Variants in POLE3 observed in about 807,000 individuals in gnomAD.
POLE3 encodes DNA polymerase epsilon subunit 3.
In POLE3, 10 loss-of-function variants were observed where a neutral mutation model predicts 16.1. The ratio of observed to expected loss-of-function variants is 0.62; its 90% CI spans 0.38 to 1.05. POLE3 has a LOEUF of 1.05. Ranked by LOEUF, POLE3 falls within the 50% of genes least tolerant of loss-of-function variation. The pLI is 0.01. For missense variants in POLE3, 169 were observed against 185.0 expected (o/e 0.91, Z 0.50); for synonymous variants, 83 against 71.0 (o/e 1.17, Z -0.85).
rs1211332878 is a variant in POLE3 at position 113,410,337 on chromosome 9, G to T, written c.-44C>A. 1 of 1,573,120 alleles carries T rather than the reference G, an allele frequency of 6.4e-7. No homozygotes were observed. The highest frequency in any genetic ancestry group is 8.7e-7 in the Non-Finnish European group (1 of 1,150,570). ...AACTCCCCTTCGCCTCCGCTTCAGG[G>T]AGCTACTGCGTCCGGACTTCCCGCG... On this transcript the variant is annotated 5_prime_UTR_variant, in exon 2 of 5. Transcript: ENST00000374171.
At position 113,410,400 on chromosome 9, in the gene POLE3, C is replaced by T. The variant is rs1442765803; in HGVS notation, c.-107G>A. 2.6e-5 allele frequency: 27 copies of T among 1,041,182 alleles called. No homozygotes were observed. Among genetic ancestry groups the T allele is most frequent in the Admixed American group, 4.0e-5 (2 of 50,380 alleles). 64.5% of individuals were successfully genotyped at this position (1,041,182 alleles called of 1,614,324 possible). A position where few individuals can be genotyped will look rare whatever the true frequency, so the allele number is the denominator to read the frequency against. On this transcript the variant is annotated 5_prime_UTR_variant, in exon 2 of 5. Transcript: ENST00000374171. ...GACCCTGCGAGGTTTCCGTTCCGCC[C>T]CACGTGGCCTACAGTGTCCCACAGT...
chr9:113,409,671 G>GAGCA lies in POLE3; in HGVS notation c.206_209dup (p.Ser71AlafsTer24). 1.2e-6 allele frequency: 2 copies of GAGCA among 1,613,926 alleles called. No homozygotes were observed. The highest frequency in any genetic ancestry group is 1.7e-6 in the Non-Finnish European group (2 of 1,179,814). On this transcript the variant is annotated frameshift_variant, in exon 4 of 5. Transcript: ENST00000374171. LOFTEE classifies it high-confidence loss of function. ...GGAACTCCATCTCTTCCATGGCTGA[G>GAGCA]AGCACATCACTGGCATTCAGCGTCT... is the stretch of plus-strand genomic sequence containing the variant.
intron 4 of POLE3, 64 bp from the exon 5 acceptor site, chr9:113,409,047 C>T (rs1828004227): frequency 6.8e-7 from 1 of 1,460,060 alleles, no homozygotes; most frequent in African/African-American, 1.4e-5. Flanking sequence ...ACTGCAGGAG[C>T]TAATTACATT....
At chr9:113,409,135 G>A in intron 4 of POLE3, 152 bp from the exon 5 acceptor site, 1 of 631,566 alleles carries the variant, frequency 1.6e-6, no homozygotes, top group Admixed American at 2.7e-5. Flanking sequence ...GCTGAGACGG[G>A]CGGATCACCT....
Position 113,408,704 on chromosome 9 carries a change from A to G in POLE3, c.*107T>C, listed in dbSNP as rs937542056. The G allele has an allele frequency of 1.1e-6, 1 of 870,682 alleles. No homozygotes were observed. Among genetic ancestry groups the G allele is most frequent in the African/African-American group, 1.7e-5 (1 of 59,418 alleles). 53.9% of individuals were successfully genotyped at this position (870,682 alleles called of 1,614,324 possible). Reference sequence around the variant, plus strand: ...AGTTTTTATTCTGATCTTTTCAGGCACTTTTGCCTGAGACTACTCTGCCCA... The same window carrying G: ...AGTTTTTATTCTGATCTTTTCAGGCGCTTTTGCCTGAGACTACTCTGCCCA... On this transcript the variant is annotated 3_prime_UTR_variant, in exon 5 of 5. Coordinates refer to ENST00000374171, the MANE Select transcript of POLE3 (RefSeq NM_017443.5).
intron 1 of POLE3, 35 bp downstream of exon 1, chr9:113,410,582 G>T: frequency 2.0e-6 from 1 of 508,612 alleles, no homozygotes; most frequent in Non-Finnish European, 3.6e-6. Context: ...CCATTTCTCT[G>T]CTTCTCGCCA....
rs757530718 is a variant in POLE3, at chr9:113,410,110, C to A, written c.97G>T (p.Ala33Ser). ...LPDGVNISKE[A>S]RSAISRAASV... ...GCGGCGCGGGAGATGGCGCTCCGGG[C>A]CTCCTTGGAGATGTTGACACCGTCC... Residue 33 changes from alanine (A) to serine (S), a missense_variant, in exon 3 of 5, where the codon GCC (alanine) becomes TCC (serine). Physicochemically the swap from Ala to Ser is moderately conservative, Grantham distance 99. Coordinates refer to ENST00000374171, the MANE Select transcript of POLE3 (RefSeq NM_017443.5). 6.3e-7 allele frequency: 1 copy of A among 1,592,010 alleles called. No individual in the cohort carries two copies. The highest frequency in any genetic ancestry group is 1.8e-5 in the Admixed American group (1 of 56,270).
chr9:113,409,440 C>T (rs1588094033), intron 4 of POLE3, among the ~76,000 whole-genome samples, 170 bp downstream of exon 4: 1 of 151,856 alleles, frequency 6.6e-6, no homozygotes, highest in Non-Finnish European at 1.5e-5. Flanking sequence ...ATAACTTGCT[C>T]AGCATTACAA....
chr9:113,409,533 G>A (rs911179999), intron 4 of POLE3, 77 bp downstream of exon 4: 1 of 876,120 alleles, frequency 1.1e-6, no homozygotes. Context: ...CCCGCGCTGA[G>A]AAGGCTCAGG....
chr9:113,409,967 G>A (rs1354789176), intron 3 of POLE3, 88 bp downstream of exon 3: 2 of 1,094,780 alleles, frequency 1.8e-6, no homozygotes, highest in South Asian at 1.4e-5. Context: ...CACCGAGGGA[G>A]AACACAATCG....
Position 113,408,267 on chromosome 9 carries a change from A to T in POLE3, c.*544T>A, listed in dbSNP as rs1264437003. The stretch of plus-strand genomic sequence containing the variant: ...ATTCAGTTAATGCTTCTGTCAAGTG[A>T]AGAGAGAGAACGGATTTTGTTATTC... On this transcript the variant is annotated 3_prime_UTR_variant, in exon 5 of 5. Coordinates refer to ENST00000374171, the MANE Select transcript of POLE3 (RefSeq NM_017443.5). 2 of 152,364 alleles carry T rather than the reference A, an allele frequency of 1.3e-5. No homozygotes were observed. 9.4% of individuals were successfully genotyped at this position (152,364 alleles called of 1,614,324 possible).
chr9:113,408,968 T>C lies in POLE3; in HGVS notation c.287A>G (p.Gln96Arg). ...KEALEAYRRE[Q>R]KGKKEASEQK... ...CTCTGAGGCCTCCTTCTTGCCTTTCTGCTCCCGCCTATATGCTGTAAGGAC... is the reference window on the plus strand; with the variant it reads ...CTCTGAGGCCTCCTTCTTGCCTTTCCGCTCCCGCCTATATGCTGTAAGGAC... Residue 96 changes from glutamine to arginine, a missense_variant, in exon 5 of 5, where the codon CAG becomes CGG. By Grantham distance (43) the Gln-to-Arg change is conservative (BLOSUM62 1). Coordinates refer to ENST00000374171, the MANE Select transcript of POLE3 (RefSeq NM_017443.5). 6.2e-7 allele frequency: 1 copy of C among 1,613,614 alleles called. No homozygotes were observed. The highest frequency in any genetic ancestry group is 8.5e-7 in the Non-Finnish European group (1 of 1,179,628).
chr9:113,410,303 T>C lies in POLE3; in HGVS notation c.-10A>G. ...CGGGCCTCTCCGCCATTGCCGCCGCTGGGGCTTAAACTCCCCTTCGCCTCC... is the reference window on the plus strand; with the variant it reads ...CGGGCCTCTCCGCCATTGCCGCCGCCGGGGCTTAAACTCCCCTTCGCCTCC... On this transcript the variant is annotated 5_prime_UTR_variant, in exon 2 of 5. Transcript: ENST00000374171. 2 of 1,612,320 alleles carry C rather than the reference T, an allele frequency of 1.2e-6. No homozygotes were observed. Among genetic ancestry groups the C allele is most frequent in the African/African-American group, 1.3e-5 (1 of 75,002 alleles).
At chr9:113,409,275 G>C (rs1226359491) in intron 4 of POLE3, among the ~76,000 whole-genome samples, 1 of 149,444 alleles carries the variant, frequency 6.7e-6, no homozygotes, top group Non-Finnish European at 1.5e-5. Context: ...CAGGAGAATT[G>C]CTTGAACCCA....
chr9:113,408,488 G>C lies in POLE3; in HGVS notation c.*323C>G, dbSNP rs1827983299. The C allele has an allele frequency of 5.1e-6, 1 of 195,588 alleles. No individual in the cohort carries two copies. Among genetic ancestry groups the C allele is most frequent in the Non-Finnish European group, 1.1e-5 (1 of 93,700 alleles). The allele number at this position is 195,588 out of a possible 1,614,324, so 12.1% of individuals were successfully genotyped here. The stretch of plus-strand genomic sequence containing the variant: ...TTATTATTACTTATTTGGGGGACTA[G>C]GGAAGACTGCAGATCAAAAACCATC... On this transcript the variant is annotated 3_prime_UTR_variant, in exon 5 of 5. Transcript: ENST00000374171.
Position 113,410,355 on chromosome 9 carries a change from T to G in POLE3, c.-62A>C. On this transcript the variant is annotated 5_prime_UTR_variant, in exon 2 of 5. Coordinates refer to ENST00000374171, the MANE Select transcript of POLE3 (RefSeq NM_017443.5). ...CTTCAGGGAGCTACTGCGTCCGGAC[T>G]TCCCGCGTCGCTACGGTCTGACCCT... 571 of 1,345,554 alleles carry G rather than the reference T, an allele frequency of 4.2e-4. No homozygotes were observed. Among genetic ancestry groups the G allele is most frequent in the Non-Finnish European group, 5.5e-4 (523 of 951,156 alleles). The allele number at this position is 1,345,554 out of a possible 1,614,324, so 83.4% of individuals were successfully genotyped here.
intron 4 of POLE3, 129 bp from the exon 5 acceptor site, chr9:113,409,112 A>C: frequency 1.3e-6 from 1 of 762,784 alleles, no homozygotes; most frequent in South Asian, 1.7e-5. Flanking sequence ...CTGTAATCCC[A>C]GCACTTTGGG....
intron 3 of POLE3, 78 bp downstream of exon 3, chr9:113,409,977 G>A (rs1184735778): frequency 1.0e-5 from 12 of 1,199,154 alleles, no homozygotes; most frequent in African/African-American, 6.0e-5. Flanking sequence ...GAACACAATC[G>A]TTGGGGTTTG....
intron 1 of POLE3, 100 bp downstream of exon 1, chr9:113,410,517 G>C (rs543087529): frequency 6.6e-4 from 397 of 597,782 alleles, no homozygotes; most frequent in Non-Finnish European, 8.9e-4. Flanking sequence ...CAGTGGTTTT[G>C]GCCCGCCAAG....
Sources: allele counts gnomAD v4.1 joint callset (sites outside exome capture counted in the v4.1 genomes callset), GRCh38; gene constraint gnomAD v4.1.1; transcripts MANE v1.5; gene names NCBI Gene and HGNC (gene_info 2026-07-23, HGNC 2026-07-21).